The following MMP16 variants were observed in gnomAD, a reference collection of about 807,000 sequenced individuals.
MMP16 encodes the protein matrix metalloproteinase-16.
MMP16 carries 12 observed loss-of-function variants against 67.8 expected under a neutral mutation model. The observed-to-expected ratio is 0.18, with a 90% confidence interval of 0.11 to 0.29. MMP16 has a LOEUF of 0.29. MMP16 is among the 10% of genes least tolerant of loss of function. The probability of loss-of-function intolerance (pLI) is 1.00; values close to 1 mark genes in which losing one functional copy is unlikely to be tolerated. For missense variants in MMP16, 475 were observed against 765.7 expected (o/e 0.62, Z 4.48); for synonymous variants, 249 against 255.9 (o/e 0.97, Z 0.26).
chr8:88,148,970 G>C (rs985738429), intron 4 of MMP16, among the ~76,000 whole-genome samples: 47 of 152,234 alleles, frequency 3.1e-4, no homozygotes, highest in Admixed American at 1.0e-3. Flanking sequence ...TCATTAGGGA[G>C]TGCCAGACAG....
intron 8 of MMP16, among the ~76,000 whole-genome samples, chr8:88,054,715 T>C (rs1322878299): frequency 6.6e-6 from 1 of 152,190 alleles, no homozygotes; most frequent in African/African-American, 2.4e-5. Context: ...AAAGTGTACA[T>C]TCTTATTCAT....
chr8:88,304,835 T>TA (rs1811188976), intron 1 of MMP16, among the ~76,000 whole-genome samples: 1 of 152,068 alleles, frequency 6.6e-6, no homozygotes, highest in Non-Finnish European at 1.5e-5. Context: ...ACCAGCCACT[T>TA]AAAAAACACC....
chr8:88,245,475 G>A (rs148278377), intron 1 of MMP16, among the ~76,000 whole-genome samples: 208 of 152,266 alleles, frequency 1.4e-3, no homozygotes, highest in African/African-American at 4.2e-3. Flanking sequence ...CTGTGTAAGG[G>A]TGAAGAGAAA....
At chr8:88,210,402 G>A (rs1254908751) in intron 1 of MMP16, among the ~76,000 whole-genome samples, 2 of 152,306 alleles carry the variant, frequency 1.3e-5, no homozygotes, top group Admixed American at 1.3e-4. Context: ...GAGCCTGAGT[G>A]ATAGAATTAC....
intron 6 of MMP16, among the ~76,000 whole-genome samples, chr8:88,106,051 G>GTGTATATATATA (rs993318577): frequency 1.4e-5 from 2 of 145,412 alleles, no homozygotes; most frequent in Non-Finnish European, 3.0e-5. Flanking sequence ...TACACGTTAT[G>GTGTATATATATA]TATATATATA....
At chr8:88,187,244 AG>A (rs1809089661) in intron 2 of MMP16, among the ~76,000 whole-genome samples, 1 of 152,202 alleles carries the variant, frequency 6.6e-6, no homozygotes, top group Non-Finnish European at 1.5e-5. Context: ...TGCACTCACA[AG>A]ACTAAGGTTT....
intron 1 of MMP16, among the ~76,000 whole-genome samples, chr8:88,211,693 T>A (rs945022620): frequency 1.3e-5 from 2 of 152,178 alleles, no homozygotes; most frequent in Non-Finnish European, 1.5e-5. Flanking sequence ...TATACTTGAA[T>A]ATTGCAACAC....
chr8:88,184,114 C>A (rs1809028690), intron 3 of MMP16, among the ~76,000 whole-genome samples: 1 of 152,040 alleles, frequency 6.6e-6, no homozygotes, highest in Non-Finnish European at 1.5e-5. Context: ...GGCTACTTTT[C>A]TGTATCTATT....
chr8:88,206,174 A>G (rs941003449), intron 1 of MMP16, among the ~76,000 whole-genome samples: 2 of 152,134 alleles, frequency 1.3e-5, no homozygotes, highest in Admixed American at 1.3e-4. Flanking sequence ...TCATTTTAAC[A>G]ATTTTCAAGG....
chr8:88,306,578 A>C (rs1348852343), intron 1 of MMP16, among the ~76,000 whole-genome samples: 4 of 152,174 alleles, frequency 2.6e-5, no homozygotes, highest in Non-Finnish European at 4.4e-5. Context: ...AAGCATATGC[A>C]CTACAATCAA....
rs192464428 is a variant in MMP16 at position 88,119,719 on chromosome 8, A to G, written c.710-858T>C. Among the ~76,000 whole-genome samples, 12 of 152,162 alleles carry G rather than the reference A, an allele frequency of 7.9e-5. No individual in the cohort carries two copies. In the East Asian group the frequency reaches 2.3e-3, roughly 30 times the overall value. On this transcript the variant is annotated intron_variant, in intron 4 of 9. Coordinates refer to ENST00000286614, the MANE Select transcript of MMP16 (RefSeq NM_005941.5). The stretch of plus-strand genomic sequence containing the variant: ...TTATGGGAGAAAAAGGTGGTCTTAC[A>G]TCTATATTTTTAATGCTAAAAATTT...
chr8:88,094,265 A>C (rs2118355320), intron 6 of MMP16, among the ~76,000 whole-genome samples: 1 of 151,980 alleles, frequency 6.6e-6, no homozygotes, highest in South Asian at 2.1e-4. Flanking sequence ...GATAAATGTT[A>C]GATAACCATA....
chr8:88,119,582 T>C (rs1807785147), intron 4 of MMP16, among the ~76,000 whole-genome samples: 1 of 152,064 alleles, frequency 6.6e-6, no homozygotes, highest in African/African-American at 2.4e-5. Context: ...ACTTGTACAG[T>C]GAAATCTATT....
chr8:88,067,250 G>A (rs1382455572), intron 7 of MMP16, among the ~76,000 whole-genome samples: 2 of 151,954 alleles, frequency 1.3e-5, no homozygotes, highest in Non-Finnish European at 1.5e-5. Flanking sequence ...GATTATCAAC[G>A]GGCTCAACTA....
At chr8:88,093,190 C>T (rs1027631134) in intron 6 of MMP16, among the ~76,000 whole-genome samples, 1 of 151,750 alleles carries the variant, frequency 6.6e-6, no homozygotes, top group South Asian at 2.1e-4. Flanking sequence ...TACATGCTAG[C>T]AAAACACTGG....
At chr8:88,299,997 C>A (rs1811072939) in intron 1 of MMP16, among the ~76,000 whole-genome samples, 1 of 152,034 alleles carries the variant, frequency 6.6e-6, no homozygotes, top group African/African-American at 2.4e-5. Flanking sequence ...GCTTATATTT[C>A]TTTTCTATAA....
intron 6 of MMP16, among the ~76,000 whole-genome samples, chr8:88,109,234 T>G (rs1465043081): frequency 6.6e-6 from 1 of 151,396 alleles, no homozygotes; most frequent in Non-Finnish European, 1.5e-5. Context: ...TTACATTTTA[T>G]TTTTTTCTGT....
chr8:88,091,830 T>A (rs1354178508), intron 6 of MMP16, among the ~76,000 whole-genome samples: 1 of 151,886 alleles, frequency 6.6e-6, no homozygotes, highest in Admixed American at 6.6e-5. Flanking sequence ...CTTCCTTAGT[T>A]GCACTAGCCA....
intron 1 of MMP16, among the ~76,000 whole-genome samples, chr8:88,304,574 G>A (rs1811184011): frequency 6.6e-6 from 1 of 152,200 alleles, no homozygotes; most frequent in Non-Finnish European, 1.5e-5. Context: ...ACAAAGGGAA[G>A]CCCATCAGAC....
Sources: gnomAD v4.1 joint callset for allele counts (sites outside exome capture counted in the v4.1 genomes callset) on GRCh38, gnomAD v4.1.1 for gene constraint, MANE v1.5 for transcripts, NCBI Gene and HGNC (gene_info 2026-07-23, HGNC 2026-07-21) for gene names.